The following DYM variants were observed in gnomAD, a reference collection of about 807,000 sequenced individuals.
The protein encoded by DYM is dymeclin.
A neutral mutation model predicts 93.1 loss-of-function variants in DYM; 78 were observed. The ratio of observed to expected loss-of-function variants is 0.84; its 90% CI spans 0.70 to 1.01. The LOEUF (loss-of-function observed/expected upper bound fraction) is 1.01. Ranked by LOEUF, DYM falls within the 50% of genes least tolerant of loss-of-function variation. DYM has a pLI of 0.00. For missense variants in DYM, 789 were observed against 845.0 expected (o/e 0.93, Z 0.82); for synonymous variants, 321 against 319.7 (o/e 1.00, Z -0.04).
chr18:49,333,763 C>A lies in DYM; in HGVS notation c.585G>T (p.Gln195His). The A allele has an allele frequency of 1.2e-6, 2 of 1,613,978 alleles. No individual in the cohort carries two copies. The highest frequency in any genetic ancestry group is 2.2e-5 in the South Asian group (2 of 91,058). Reference sequence around the variant, plus strand: ...GCATCAAATACTTGTGGCTGATGCTCTGTCGCAAAACTTCTTTGTGGAAGA... The same window carrying A: ...GCATCAAATACTTGTGGCTGATGCTATGTCGCAAAACTTCTTTGTGGAAGA... ...CQLFHKEVLR[Q>H]SISHKYLMRG... The change falls in exon 7 of 18, where the codon CAG (glutamine) becomes CAT (histidine). Residue 195 changes from glutamine to histidine, a missense_variant. Physicochemically the swap from Gln to His is conservative, Grantham distance 24. This residue lies in a region of DYM where 450 missense variants were observed against 436.2 expected (regional missense o/e 1.03). Coordinates refer to ENST00000675505, the MANE Select transcript of DYM (RefSeq NM_001353214.3).
intron 15 of DYM, among the ~76,000 whole-genome samples, chr18:49,135,051 T>A (rs1032060170): frequency 5.3e-5 from 8 of 152,036 alleles, no homozygotes; most frequent in Admixed American, 3.3e-4. Flanking sequence ...GAGGTTGCAG[T>A]GAGCTGATAT....
chr18:49,114,599 G>A (rs1780348424), intron 16 of DYM: 1 of 984,728 alleles, frequency 1.0e-6, no homozygotes, highest in African/African-American at 1.7e-5. Flanking sequence ...TAAATTCTTT[G>A]CATGGTTCTG....
chr18:49,265,002 G>C (rs188840034), intron 11 of DYM, among the ~76,000 whole-genome samples: 1 of 152,274 alleles, frequency 6.6e-6, no homozygotes, highest in Admixed American at 6.5e-5. Context: ...TATGAGAGGT[G>C]GTTCATGCTC....
chr18:49,102,826 T>C lies in DYM; in HGVS notation c.1912-5311A>G, dbSNP rs544072256. On this transcript the variant is annotated intron_variant, in intron 16 of 17. Coordinates refer to ENST00000675505, the MANE Select transcript of DYM (RefSeq NM_001353214.3). ...AATCCAGTCTATCATTGATGGACAT[T>C]TGGCTTGGTTCCAAGTCTTTGCTAT... 2.6e-3 allele frequency among the ~76,000 whole-genome samples: 397 copies of C among 152,340 alleles called. 2 individuals are homozygous for C. Among genetic ancestry groups the C allele is most frequent in the African/African-American group, 9.2e-3 (382 of 41,576 alleles).
At chr18:49,261,013 C>A (rs1422144169) in intron 11 of DYM, among the ~76,000 whole-genome samples, 1 of 151,974 alleles carries the variant, frequency 6.6e-6, no homozygotes, top group African/African-American at 2.4e-5. Context: ...ATCAGGAAAA[C>A]AGAATTAAAT....
At chr18:49,180,065 T>C (rs191713669) in intron 14 of DYM, among the ~76,000 whole-genome samples, 1 of 152,198 alleles carries the variant, frequency 6.6e-6, no homozygotes, top group East Asian at 1.9e-4. Context: ...TGATCTGTTG[T>C]ATGGAAAAAC....
chr18:49,097,490 A>C lies in DYM; in HGVS notation c.1937T>G (p.Leu646Trp). 6.2e-7 allele frequency: 1 copy of C among 1,614,026 alleles called. No individual in the cohort carries two copies. Among genetic ancestry groups the C allele is most frequent in the Non-Finnish European group, 8.5e-7 (1 of 1,179,924 alleles). ...DLVISFFSSR[L>W]LQAGAELSVE... ...TGACAGCTCAGCTCCAGCTTGCAGC[A>C]ACCTTGAGCTAAAGAAGGAGATCAC... Residue 646 changes from leucine to tryptophan, a missense_variant, in exon 17 of 18, where the codon TTG becomes TGG. Around this residue, in one of 3 missense-constraint regions of DYM, gnomAD observed 114 missense variants for 105.8 expected, o/e 1.08. Transcript: ENST00000675505.
At chr18:49,233,190 A>G (rs1390273241) in intron 13 of DYM, among the ~76,000 whole-genome samples, 4 of 151,644 alleles carry the variant, frequency 2.6e-5, no homozygotes, top group Admixed American at 2.6e-4. Flanking sequence ...GTGAAACCCC[A>G]TCTCTACTAA....
In DYM at chr18:49,316,425, A is replaced by G. The variant is rs2061945413; in HGVS notation, c.763+15439T>C. ...TCCATCAAAATGCCCCAGAACTAATATATCTGAAAAAACTTCCAAATTATA... is the reference window on the plus strand; with the variant it reads ...TCCATCAAAATGCCCCAGAACTAATGTATCTGAAAAAACTTCCAAATTATA... On this transcript the variant is annotated intron_variant, in intron 8 of 17. Coordinates refer to ENST00000675505, the MANE Select transcript of DYM (RefSeq NM_001353214.3). Among the ~76,000 whole-genome samples, 3 of 152,218 alleles carry G rather than the reference A, an allele frequency of 2.0e-5. No individual in the cohort carries two copies. The South Asian group carries it at 6.2e-4, about 32-fold the overall frequency.
At chr18:49,412,112 G>A (rs1007758317) in intron 2 of DYM, among the ~76,000 whole-genome samples, 2 of 151,788 alleles carry the variant, frequency 1.3e-5, no homozygotes, top group Non-Finnish European at 2.9e-5. Context: ...ACAGACAATC[G>A]TATATGCTGT....
chr18:49,190,330 T>C (rs1387793265), intron 14 of DYM, among the ~76,000 whole-genome samples: 2 of 152,228 alleles, frequency 1.3e-5, no homozygotes, highest in Non-Finnish European at 2.9e-5. Flanking sequence ...AAGACTGAAA[T>C]ATCATTGTAT....
intron 11 of DYM, among the ~76,000 whole-genome samples, chr18:49,260,970 C>A (rs943891688): frequency 6.6e-6 from 1 of 151,710 alleles, no homozygotes; most frequent in African/African-American, 2.4e-5. Context: ...ATATGGAATA[C>A]AAACAACAAC....
chr18:49,186,160 T>A (rs2090410428), intron 14 of DYM, among the ~76,000 whole-genome samples: 1 of 152,280 alleles, frequency 6.6e-6, no homozygotes, highest in East Asian at 1.9e-4. Flanking sequence ...GTTTGGATCA[T>A]AAATTATATA....
intron 8 of DYM, among the ~76,000 whole-genome samples, chr18:49,323,636 G>A (rs1208918008): frequency 6.6e-6 from 1 of 152,170 alleles, no homozygotes. Context: ...TGCAAGTCAG[G>A]AATAGGGTTC....
At chr18:49,419,414 A>G (rs1209081728) in intron 2 of DYM, among the ~76,000 whole-genome samples, 1 of 152,140 alleles carries the variant, frequency 6.6e-6, no homozygotes, top group Non-Finnish European at 1.5e-5. Context: ...ATAATAATTA[A>G]CAAAACAAAC....
At chr18:49,273,413 C>T (rs2094763994) in intron 10 of DYM, among the ~76,000 whole-genome samples, 1 of 152,280 alleles carries the variant, frequency 6.6e-6, no homozygotes, top group African/African-American at 2.4e-5. Context: ...AGCATAGTTA[C>T]ATTTTTTAGT....
chr18:49,091,723 A>G (rs962826632), intron 17 of DYM, among the ~76,000 whole-genome samples: 1 of 151,850 alleles, frequency 6.6e-6, no homozygotes, highest in Non-Finnish European at 1.5e-5. Context: ...AAAAACAGTG[A>G]TTTAATATTT....
chr18:49,313,125 C>A (rs1450085476), intron 8 of DYM, among the ~76,000 whole-genome samples: 10 of 151,992 alleles, frequency 6.6e-5, no homozygotes, highest in Admixed American at 6.6e-4. Flanking sequence ...CAGGATGAGA[C>A]CGGAGGTCAA....
rs544935197 is a variant in DYM, at chr18:49,213,598, G to A, written c.1461-3883C>T. Among the ~76,000 whole-genome samples the A allele has an allele frequency of 6.6e-5, 10 of 152,252 alleles. No homozygotes were observed. In the East Asian group the frequency reaches 9.6e-4, roughly 15 times the overall value. On this transcript the variant is annotated intron_variant, in intron 13 of 17. Transcript: ENST00000675505. ...CCCAAAGTGATGGGATTACAGGCAC[G>A]AGCCACAGTGCCTAGCCAATTTATT...
Sources: allele counts gnomAD v4.1 joint callset (sites outside exome capture counted in the v4.1 genomes callset), GRCh38; gene constraint gnomAD v4.1.1; regional missense constraint gnomAD v4.1.1; transcripts MANE v1.5; gene names NCBI Gene and HGNC (gene_info 2026-07-23, HGNC 2026-07-21).